Variants in NKPD1 observed in about 807,000 individuals in gnomAD.
NKPD1 encodes NTPase KAP family P-loop domain-containing protein 1.
Under a neutral mutation model 42.2 loss-of-function variants are expected in NKPD1, and 37 were observed. That is an observed-to-expected ratio of 0.88 (90% CI 0.67 to 1.15). The LOEUF (loss-of-function observed/expected upper bound fraction) is 1.15. NKPD1 is among the 50% of genes most tolerant of loss of function. NKPD1 has a pLI of 0.00. For synonymous variants in NKPD1, 552 were observed against 536.5 expected, an observed-to-expected ratio of 1.03 and a Z score of -0.40; for missense variants, 1,113 against 1,174.6, an observed-to-expected ratio of 0.95 and a Z score of 0.77.
At position 45,158,745 on chromosome 19, in the gene NKPD1, G is replaced by T; in HGVS notation, c.447C>A (p.Val149=). 8.2e-7 allele frequency: 1 copy of T among 1,213,026 alleles called. No individual in the cohort carries two copies. Among genetic ancestry groups the T allele is most frequent in the Non-Finnish European group, 1.1e-6 (1 of 947,206 alleles). The allele number at this position is 1,213,026 out of a possible 1,614,324, so 75.1% of individuals were successfully genotyped here. The part of the protein sequence containing the change: ...SGPALPSAAG[V]LLKPSEPTDA... ...CAGTGGGCTCGCTGGGCTTCAGGAG[G>T]ACGCCAGCCGCGGAGGGTAGAGCTG... The change falls in exon 3 of 5, where the codon GTC becomes GTA. Residue 149 remains valine, a synonymous_variant. Coordinates refer to ENST00000686631, the MANE Select transcript of NKPD1 (RefSeq NM_198478.4). This position sits in a 1 kb window ranked among gnomAD's most constrained non-coding sequence, Gnocchi z 4.6.
rs775965051 is a variant in NKPD1 at position 45,152,036 on chromosome 19, C to T, written c.2401G>A (p.Glu801Lys). Residue 801 changes from glutamate to lysine, a missense_variant, in exon 5 of 5, where the codon GAA becomes AAA. Coordinates refer to ENST00000686631, the MANE Select transcript of NKPD1 (RefSeq NM_198478.4). ...PSGRASGQAG[E>K]GHHTGDLAHR... ...GCCAAGTCCCCAGTGTGGTGGCCTTCGCCGGCTTGCCCTGAGGCACGGCCC... is the reference window on the plus strand; with the variant it reads ...GCCAAGTCCCCAGTGTGGTGGCCTTTGCCGGCTTGCCCTGAGGCACGGCCC... 3 of 1,609,606 alleles carry T rather than the reference C, an allele frequency of 1.9e-6. No individual in the cohort carries two copies. In the South Asian group the frequency reaches 3.3e-5, roughly 18 times the overall value.
At chr19:45,159,127 G>A (rs1330848900) in intron 2 of NKPD1, 27 bp from the exon 3 acceptor site, 1 of 1,256,388 alleles carries the variant, frequency 8.0e-7, no homozygotes, top group Non-Finnish European at 1.0e-6. Flanking sequence ...GGGGGTGACT[G>A]GGCCTGTGTC....
At chr19:45,155,944 T>C (rs1968895484) in intron 3 of NKPD1, 28 bp from the exon 4 acceptor site, 6 of 1,297,394 alleles carry the variant, frequency 4.6e-6, no homozygotes, top group Non-Finnish European at 6.1e-6. Context: ...GGACACTGAG[T>C]CAGGACCACT....
At position 45,158,966 on chromosome 19, in the gene NKPD1, G is replaced by A. The variant is rs1968956621; in HGVS notation, c.226C>T (p.Leu76=). 1 of 1,300,824 alleles carries A rather than the reference G, an allele frequency of 7.7e-7. No homozygotes were observed. The highest frequency in any genetic ancestry group is 1.0e-6 in the Non-Finnish European group (1 of 988,164). The allele number at this position is 1,300,824 out of a possible 1,614,324, so 80.6% of individuals were successfully genotyped here. Residue 76 remains leucine, a synonymous_variant, in exon 3 of 5, where the codon CTG becomes TTG. Coordinates refer to ENST00000686631, the MANE Select transcript of NKPD1 (RefSeq NM_198478.4). The surrounding 1 kb of genome is among the most constrained non-coding windows in gnomAD (Gnocchi z 4.6). ...VGGSGWRRGL[L]PSVLQQQRQP... is the part of the protein sequence containing the mutation. ...CGCTGCTGCTGCAGGACGGAGGGCA[G>A]GAGGCCCCGGCGCCAGCCACTGCCA...
chr19:45,158,738 TC>T lies in NKPD1; in HGVS notation c.453del (p.Lys152SerfsTer28), dbSNP rs1410548950. On this transcript the variant is annotated frameshift_variant, in exon 3 of 5. Coordinates refer to ENST00000686631, the MANE Select transcript of NKPD1 (RefSeq NM_198478.4). LOFTEE classifies it high-confidence loss of function. The surrounding 1 kb of genome is among the most constrained non-coding windows in gnomAD (Gnocchi z 4.6). ...CGGGCATCAGTGGGCTCGCTGGGCT[TC>T]AGGAGGACGCCAGCCGCGGAGGGTA... Reference protein sequence around the residue: ...PALPSAAGVLLKPSEPTDARP... With the variant: ...PALPSAAGVLXKPSEPTDARP... 2 of 1,208,878 alleles carry T rather than the reference TC, an allele frequency of 1.7e-6. No individual in the cohort carries two copies. The highest frequency in any genetic ancestry group is 1.3e-4 in the East Asian group (2 of 14,932). 74.9% of individuals were successfully genotyped at this position (1,208,878 alleles called of 1,614,324 possible). A position where few individuals can be genotyped will look rare whatever the true frequency, so the allele number is the denominator to read the frequency against.
Position 45,159,032 on chromosome 19 carries a change from G to T in NKPD1, c.160C>A (p.Gln54Lys), listed in dbSNP as rs1444325863. The T allele has an allele frequency of 6.1e-6, 8 of 1,301,210 alleles. No individual in the cohort carries two copies. The highest frequency in any genetic ancestry group is 7.1e-6 in the Non-Finnish European group (7 of 988,256). 80.6% of individuals were successfully genotyped at this position (1,301,210 alleles called of 1,614,324 possible). Residue 54 changes from glutamine to lysine, a missense_variant, in exon 3 of 5, where the codon CAA becomes AAA. Coordinates refer to ENST00000686631, the MANE Select transcript of NKPD1 (RefSeq NM_198478.4). ...RAHGPCRPSPQSHWQLAYHSH... is the reference protein window; with the variant it reads ...RAHGPCRPSPKSHWQLAYHSH... ...TGGTAGGCCAGCTGCCAGTGTGATT[G>T]GGGGGAAGGCCGACAGGGCCCATGG... is the stretch of plus-strand genomic sequence containing the variant.
rs994465958 is a variant in NKPD1 at position 45,151,618 on chromosome 19, G to C, written c.*320C>G. On this transcript the variant is annotated 3_prime_UTR_variant, in exon 5 of 5. Transcript: ENST00000686631. ...AAGTGGGCTTAGCAGGATGGGGCAG[G>C]CCCTGTGGCAGGACGGGGCAGGCCT... The C allele has an allele frequency of 2.9e-5, 9 of 305,950 alleles. No individual in the cohort carries two copies. The highest frequency in any genetic ancestry group is 4.8e-5 in the Non-Finnish European group (8 of 167,112). 19.0% of individuals were successfully genotyped at this position (305,950 alleles called of 1,614,324 possible).
chr19:45,157,794 G>A (rs1031970814), intron 3 of NKPD1, among the ~76,000 whole-genome samples: 12 of 143,286 alleles, frequency 8.4e-5, no homozygotes, highest in African/African-American at 2.6e-4. Flanking sequence ...GTGTCATCTC[G>A]GCTCATTGCA....
chr19:45,151,997 G>T lies in NKPD1; in HGVS notation c.2440C>A (p.Leu814Ile). ...HTGDLAHRGK[L>I]WPVACALFRP... ...AAGAGCGCACAGGCCACCGGCCATA[G>T]CTTGCCCCTGTGGGCCAAGTCCCCA... Residue 814 changes from leucine (L) to isoleucine (I), a missense_variant, in exon 5 of 5, where the codon CTA becomes ATA. Leu to Ile is a conservative substitution (Grantham distance 5, BLOSUM62 2). Coordinates refer to ENST00000686631, the MANE Select transcript of NKPD1 (RefSeq NM_198478.4). 6.2e-7 allele frequency: 1 copy of T among 1,609,572 alleles called. No individual in the cohort carries two copies. Among genetic ancestry groups the T allele is most frequent in the South Asian group, 1.1e-5 (1 of 90,720 alleles).
chr19:45,162,136 G>A (rs942186847), upstream of NKPD1, among the ~76,000 whole-genome samples: 1 of 152,166 alleles, frequency 6.6e-6, no homozygotes, highest in Non-Finnish European at 1.5e-5. Flanking sequence ...ATGAAGCGTG[G>A]CCCAATGTAA....
intron 2 of NKPD1, among the ~76,000 whole-genome samples, 163 bp downstream of exon 2, chr19:45,159,897 C>T (rs574487122): frequency 4.5e-4 from 69 of 152,330 alleles, no homozygotes; most frequent in Admixed American, 3.1e-3. Context: ...CCCTGTGGTC[C>T]GGGTCCTGGG....
Position 45,153,391 on chromosome 19 carries a change from G to A in NKPD1, c.1046C>T (p.Ala349Val), listed in dbSNP as rs1390961444. ...RVCLGLLALL[A>V]ALGLGVGLLY... Reference sequence around the variant, plus strand: ...CAGCCCCACACCCAGGCCCAGCGCCGCCAGCAGCGCCAGCAGCCCCAGGCA... The same window carrying A: ...CAGCCCCACACCCAGGCCCAGCGCCACCAGCAGCGCCAGCAGCCCCAGGCA... Residue 349 changes from alanine to valine, a missense_variant, in exon 5 of 5, where the codon GCG (alanine) becomes GTG (valine). Physicochemically the swap from Ala to Val is moderately conservative, Grantham distance 64. Coordinates refer to ENST00000686631, the MANE Select transcript of NKPD1 (RefSeq NM_198478.4). 2.6e-6 allele frequency: 4 copies of A among 1,554,050 alleles called. No homozygotes were observed. Among genetic ancestry groups the A allele is most frequent in the East Asian group, 2.4e-5 (1 of 42,088 alleles).
chr19:45,158,829 G>A lies in NKPD1; in HGVS notation c.363C>T (p.Ala121=), dbSNP rs773986181. 3.9e-6 allele frequency: 5 copies of A among 1,279,402 alleles called. No homozygotes were observed. The South Asian group carries it at 5.1e-5, about 13-fold the overall frequency. 79.3% of individuals were successfully genotyped at this position (1,279,402 alleles called of 1,614,324 possible). A position where few individuals can be genotyped will look rare whatever the true frequency, so the allele number is the denominator to read the frequency against. ...GTAAGGTGGGCGCCTGAGGGGCGCT[G>A]GCAGGTTCCTTGGGGACAGTGGAGG... is the stretch of plus-strand genomic sequence containing the variant. ...PATSTVPKEP[A]SAPQAPTLPT... is the part of the protein sequence containing the mutation. The change falls in exon 3 of 5, where the codon GCC becomes GCT. Residue 121 remains alanine, a synonymous_variant. Transcript: ENST00000686631. This position sits in a 1 kb window ranked among gnomAD's most constrained non-coding sequence, Gnocchi z 4.6.
In NKPD1 at chr19:45,153,685, G is replaced by C. The variant is rs1314705960; in HGVS notation, c.752C>G (p.Pro251Arg). 1.9e-6 allele frequency: 3 copies of C among 1,554,946 alleles called. No individual in the cohort carries two copies. In the East Asian group the frequency reaches 7.1e-5, roughly 37 times the overall value. ...GAACACCAGGTACCACAGTAGCTGC[G>C]GGACGCCCCAGCCGCTCACGGCACG... ...RPRAVSGWGVPQLLWYLVFLQ... is the reference protein window; with the variant it reads ...RPRAVSGWGVRQLLWYLVFLQ... The change falls in exon 5 of 5, where the codon CCG (proline) becomes CGG (arginine). Residue 251 changes from proline (P) to arginine (R), a missense_variant. By Grantham distance (103) the Pro-to-Arg change is moderately radical. This residue lies in a region of NKPD1 where 867 missense variants were observed against 870.1 expected (regional missense o/e 1.00). Transcript: ENST00000686631.
chr19:45,155,924 T>C lies in NKPD1; in HGVS notation c.530-8A>G. ...CATCCTCTGTCAGGATGTCTGGTGG[T>C]TGGGAGTGGGGACACTGAGTCAGGA... On this transcript the variant is annotated splice_polypyrimidine_tract_variant and splice_region_variant and intron_variant, in intron 3 of 4. Transcript: ENST00000686631. 2 of 1,303,912 alleles carry C rather than the reference T, an allele frequency of 1.5e-6. No individual in the cohort carries two copies. The highest frequency in any genetic ancestry group is 2.0e-6 in the Non-Finnish European group (2 of 987,852). 80.8% of individuals were successfully genotyped at this position (1,303,912 alleles called of 1,614,324 possible). A position where few individuals can be genotyped will look rare whatever the true frequency, so the allele number is the denominator to read the frequency against.
Position 45,152,159 on chromosome 19 carries a change from C to G in NKPD1, c.2278G>C (p.Val760Leu). Residue 760 changes from valine (V) to leucine (L), a missense_variant, in exon 5 of 5, where the codon GTC (valine) becomes CTC (leucine). By Grantham distance (32) the Val-to-Leu change is conservative (BLOSUM62 1). Around this residue, in one of 3 missense-constraint regions of NKPD1, gnomAD observed 867 missense variants for 870.1 expected, o/e 1.00. Coordinates refer to ENST00000686631, the MANE Select transcript of NKPD1 (RefSeq NM_198478.4). ...GGGCTGGGCGGCTTGAGCGCGCTGA[C>G]GGCTCGGATGAGACCCATGCGCCGG... Reference protein sequence around the residue: ...IRRRMGLIRAVSALKPPSPPK... With the variant: ...IRRRMGLIRALSALKPPSPPK... The G allele has an allele frequency of 6.3e-7, 1 of 1,596,514 alleles. No homozygotes were observed. Among genetic ancestry groups the G allele is most frequent in the Non-Finnish European group, 8.5e-7 (1 of 1,172,748 alleles).
Position 45,151,981 on chromosome 19 carries a change from C to G in NKPD1, c.2456G>C (p.Cys819Ser). The G allele has an allele frequency of 1.2e-6, 2 of 1,601,700 alleles. No individual in the cohort carries two copies. Among genetic ancestry groups the G allele is most frequent in the Non-Finnish European group, 1.7e-6 (2 of 1,172,368 alleles). The change falls in exon 5 of 5, where the codon TGT (cysteine) becomes TCT (serine). Residue 819 changes from cysteine (C) to serine (S), a missense_variant. By Grantham distance (112) the Cys-to-Ser change is moderately radical (BLOSUM62 -1). Around this residue, in one of 3 missense-constraint regions of NKPD1, gnomAD observed 867 missense variants for 870.1 expected, o/e 1.00. Transcript: ENST00000686631. ...GGATTGCCCTGGACGGAAGAGCGCA[C>G]AGGCCACCGGCCATAGCTTGCCCCT... The part of the protein sequence containing the change: ...AHRGKLWPVA[C>S]ALFRPGQSSP...
In NKPD1 at chr19:45,153,527, T is replaced by C. The variant is rs1024155162; in HGVS notation, c.910A>G (p.Ile304Val). Residue 304 changes from isoleucine (I) to valine (V), a missense_variant, in exon 5 of 5, where the codon ATC becomes GTC. Ile to Val is a conservative substitution (Grantham distance 29). Around this residue, in one of 3 missense-constraint regions of NKPD1, gnomAD observed 867 missense variants for 870.1 expected, o/e 1.00. Transcript: ENST00000686631. The stretch of plus-strand genomic sequence containing the variant: ...GGCAGTGCGCCATAGTGGCGGCGGA[T>C]GCCCTCGCACAACGTGGTCACCAGG... ...AGLVTTLCEG[I>V]RRHYGALPFS... 1.8e-5 allele frequency: 28 copies of C among 1,550,776 alleles called. No homozygotes were observed. Among genetic ancestry groups the C allele is most frequent in the Non-Finnish European group, 2.4e-5 (27 of 1,147,434 alleles).
At chr19:45,155,147 C>T (rs990270578) in intron 4 of NKPD1, among the ~76,000 whole-genome samples, 1 of 150,414 alleles carries the variant, frequency 6.6e-6, no homozygotes, top group Non-Finnish European at 1.5e-5. Context: ...GGTAAAACCC[C>T]GTCTACTAAA....
Sources: gnomAD v4.1 joint callset for allele counts (sites outside exome capture counted in the v4.1 genomes callset) on GRCh38, gnomAD v4.1.1 for gene constraint, gnomAD v4.1.1 regional missense constraint, Gnocchi (gnomAD v3.1) non-coding constraint, MANE v1.5 for transcripts, NCBI Gene and HGNC (gene_info 2026-07-23, HGNC 2026-07-21) for gene names.